CNTNAP5: variants seen among roughly 807,000 people sequenced by gnomAD.
The protein encoded by CNTNAP5 is contactin associated protein family member 5, also known as contactin-associated protein-like 5.
Under a neutral mutation model 150.2 loss-of-function variants are expected in CNTNAP5, and 72 were observed. The observed-to-expected ratio is 0.48, with a 90% CI of 0.40 to 0.58. The LOEUF (loss-of-function observed/expected upper bound fraction) is 0.58. Ranked by LOEUF, CNTNAP5 falls within the 20% of genes least tolerant of loss-of-function variation. The pLI, the probability that CNTNAP5 is intolerant of heterozygous loss-of-function variation, is 0.00. For synonymous variants in CNTNAP5, 672 were observed against 619.8 expected (o/e 1.08, Z -1.25); for missense variants, 1,636 against 1,626.2 (o/e 1.01, Z -0.10).
At chr2:124,498,338 G>A (rs1694200060) in intron 7 of CNTNAP5, among the ~76,000 whole-genome samples, 1 of 152,104 alleles carries the variant, frequency 6.6e-6, no homozygotes, top group Admixed American at 6.5e-5. Context: ...ATACAGCTCA[G>A]CATTAATCTA....
rs201637133 is a variant in CNTNAP5, at chr2:124,446,831, C to T, written c.812C>T (p.Ser271Leu). 55 of 1,613,900 alleles carry T rather than the reference C, an allele frequency of 3.4e-5. No homozygotes were observed. The East Asian group carries it at 7.4e-4, about 22-fold the overall frequency. ...CTCCTGGATGACCAGCACTGGCACT[C>T]GGTCCTCATTGAGCGGGTGGGCAAG... ...GSLLDDQHWH[S>L]VLIERVGKQV... Residue 271 changes from serine (S) to leucine (L), a missense_variant, in exon 6 of 24, where the codon TCG becomes TTG. Transcript: ENST00000682447.
At chr2:124,581,657 A>T (rs916685656) in intron 11 of CNTNAP5, among the ~76,000 whole-genome samples, 1 of 152,334 alleles carries the variant, frequency 6.6e-6, no homozygotes, top group Non-Finnish European at 1.5e-5. Flanking sequence ...GAAAGCCCAC[A>T]GGTAATGATC....
chr2:124,541,726 A>G (rs1695389674), intron 10 of CNTNAP5, among the ~76,000 whole-genome samples: 1 of 152,178 alleles, frequency 6.6e-6, no homozygotes, highest in Admixed American at 6.5e-5. Context: ...GAGGCATCTG[A>G]GAAGTAGAGG....
intron 12 of CNTNAP5, among the ~76,000 whole-genome samples, chr2:124,625,596 A>G (rs1677705117): frequency 6.6e-6 from 1 of 152,138 alleles, no homozygotes; most frequent in Non-Finnish European, 1.5e-5. Flanking sequence ...GTATCTCCCC[A>G]CTTCCGAGGG....
rs116907206 is a variant in CNTNAP5, at chr2:124,652,565, G to C, written c.2077+4607G>C. Among the ~76,000 whole-genome samples the C allele has an allele frequency of 3.0e-3, 456 of 152,318 alleles. 8 individuals carry two copies. Among genetic ancestry groups the C allele is most frequent in the East Asian group, 0.029 (149 of 5,178 alleles). ...AAATAAATATCAAAGCCATAGTCTG[G>C]AAGATTCTTGAATCACATGGCCAAT... On this transcript the variant is annotated intron_variant, in intron 13 of 23. Coordinates refer to ENST00000682447, the MANE Select transcript of CNTNAP5 (RefSeq NM_001367498.1).
At chr2:124,233,734 A>C (rs1011904433) in intron 2 of CNTNAP5, among the ~76,000 whole-genome samples, 1 of 151,228 alleles carries the variant, frequency 6.6e-6, no homozygotes, top group Non-Finnish European at 1.5e-5. Flanking sequence ...AATACAATTC[A>C]ATACACTCAT....
intron 2 of CNTNAP5, among the ~76,000 whole-genome samples, chr2:124,222,996 A>G (rs1265309162): frequency 6.6e-6 from 1 of 152,132 alleles, no homozygotes; most frequent in East Asian, 1.9e-4. Context: ...AATTTCAATT[A>G]AAATTTTGTA....
chr2:124,598,964 C>A (rs1004417518), intron 11 of CNTNAP5, among the ~76,000 whole-genome samples: 11 of 152,152 alleles, frequency 7.2e-5, no homozygotes, highest in South Asian at 2.1e-4. Context: ...TGACCCCTTG[C>A]GCTTCCCAGG....
At chr2:124,400,322 G>A (rs1691373539) in intron 3 of CNTNAP5, among the ~76,000 whole-genome samples, 1 of 152,036 alleles carries the variant, frequency 6.6e-6, no homozygotes, top group Admixed American at 6.6e-5. Context: ...GGAAAATAAT[G>A]CAAGACAGAG....
At chr2:124,506,111 G>A (rs1694400745) in intron 8 of CNTNAP5, among the ~76,000 whole-genome samples, 1 of 150,094 alleles carries the variant, frequency 6.7e-6, no homozygotes, top group African/African-American at 2.5e-5. Context: ...CTTGAGTATT[G>A]CAACCTGGGA....
chr2:124,795,506 G>T (rs897558221), intron 18 of CNTNAP5, among the ~76,000 whole-genome samples: 19 of 151,974 alleles, frequency 1.3e-4, no homozygotes, highest in African/African-American at 4.4e-4. Context: ...GTTTTGTTTT[G>T]TTTTTGTTTG....
chr2:124,412,979 C>G (rs1405768126), intron 3 of CNTNAP5, among the ~76,000 whole-genome samples: 1 of 70,364 alleles, frequency 1.4e-5, no homozygotes, highest in Middle Eastern at 4.7e-3. Flanking sequence ...GCAACCTACT[C>G]ATCTGACAAA....
intron 17 of CNTNAP5, chr2:124,778,764 G>C (rs1436564756): frequency 1.3e-5 from 2 of 151,946 alleles, no homozygotes; most frequent in African/African-American, 4.8e-5. Flanking sequence ...AAATAGCTCA[G>C]AGAGAGGATT....
intron 13 of CNTNAP5, among the ~76,000 whole-genome samples, chr2:124,744,375 T>C (rs955389234): frequency 1.3e-5 from 2 of 152,172 alleles, no homozygotes; most frequent in East Asian, 1.9e-4. Flanking sequence ...ATCCTCTTTT[T>C]CTTTATAAAT....
intron 12 of CNTNAP5, among the ~76,000 whole-genome samples, chr2:124,631,836 A>C (rs1464394765): frequency 6.6e-6 from 1 of 152,234 alleles, no homozygotes; most frequent in Non-Finnish European, 1.5e-5. Flanking sequence ...ACAAAGGTCT[A>C]ATATCCAGAA....
chr2:124,030,563 G>T (rs1466579934), intron 1 of CNTNAP5, among the ~76,000 whole-genome samples: 4 of 151,962 alleles, frequency 2.6e-5, no homozygotes, highest in Non-Finnish European at 4.4e-5. Context: ...ACTTGACATG[G>T]GTTCTTTATG....
chr2:124,776,854 G>GT (rs904610825), intron 17 of CNTNAP5, among the ~76,000 whole-genome samples: 28 of 152,100 alleles, frequency 1.8e-4, no homozygotes, highest in African/African-American at 6.5e-4. Flanking sequence ...AGAAATAATT[G>GT]TTTTTTTAAC....
intron 3 of CNTNAP5, among the ~76,000 whole-genome samples, chr2:124,395,532 A>G (rs116443906): frequency 0.04 from 6,046 of 152,110 alleles, 134 homozygotes; most frequent in Non-Finnish European, 0.042. Flanking sequence ...TATTTAATAA[A>G]GGAGTCAGTA....
At chr2:124,670,221 CTTTCTTTCTTTCTTTCT>C (rs937234225) in intron 13 of CNTNAP5, among the ~76,000 whole-genome samples, 5 of 88,480 alleles carry the variant, frequency 5.7e-5, no homozygotes, top group African/African-American at 2.5e-4. Context: ...TTCCCTCTTT[CTTTCTTTCTTTCTTTCT>C]TTTCTTTCTT....
Sources: allele counts gnomAD v4.1 joint callset (sites outside exome capture counted in the v4.1 genomes callset), GRCh38; gene constraint gnomAD v4.1.1; transcripts MANE v1.5; gene names NCBI Gene and HGNC (gene_info 2026-07-23, HGNC 2026-07-21).